TAF11: variants seen among roughly 807,000 people sequenced by gnomAD.
The protein encoded by TAF11 is TATA-box binding protein associated factor 11.
In TAF11, 10 loss-of-function variants were observed where a neutral mutation model predicts 23.0. The observed-to-expected ratio is 0.43, with a 90% CI of 0.27 to 0.74. The LOEUF (loss-of-function observed/expected upper bound fraction) is 0.74, where lower values mean the gene tolerates loss of function less well. TAF11 is among the 30% of genes least tolerant of loss of function. The pLI is 0.19. For missense variants in TAF11, 196 were observed against 261.7 expected (o/e 0.75, Z 1.73); for synonymous variants, 85 against 95.8 (o/e 0.89, Z 0.66).
In TAF11 at chr6:34,878,471, A is replaced by G; in HGVS notation, c.*119T>C. On this transcript the variant is annotated 3_prime_UTR_variant, in exon 5 of 5. Coordinates refer to ENST00000361288, the MANE Select transcript of TAF11 (RefSeq NM_005643.4). ...ATATCAGAGTTTTGAGAAAGACATT[A>G]AAATCATCATGGAATCCTTGGAGGC... 1 of 693,476 alleles carries G rather than the reference A, an allele frequency of 1.4e-6. No homozygotes were observed. Among genetic ancestry groups the G allele is most frequent in the Admixed American group, 2.2e-5 (1 of 45,690 alleles). 43.0% of individuals were successfully genotyped at this position (693,476 alleles called of 1,614,324 possible). A position where few individuals can be genotyped will look rare whatever the true frequency, so the allele number is the denominator to read the frequency against.
chr6:34,887,325 T>C (rs1258935550), intron 1 of TAF11, among the ~76,000 whole-genome samples: 1 of 152,148 alleles, frequency 6.6e-6, no homozygotes, highest in African/African-American at 2.4e-5. Flanking sequence ...TCTATATCGA[T>C]ATAGACTTTT....
chr6:34,887,305 G>A (rs1198819661), intron 1 of TAF11, among the ~76,000 whole-genome samples: 1 of 152,014 alleles, frequency 6.6e-6, no homozygotes, highest in Non-Finnish European at 1.5e-5. Context: ...AATCGTGTTC[G>A]ATATAAAAGT....
chr6:34,879,055 G>A (rs4646944), intron 4 of TAF11, among the ~76,000 whole-genome samples: 46,552 of 151,794 alleles, frequency 0.31, 9,921 homozygotes, highest in African/African-American at 0.58. Flanking sequence ...AAATTAAAAA[G>A]TTAGCCAGGG....
chr6:34,887,766 C>G (rs1250211447), intron 1 of TAF11, 21 bp downstream of exon 1: 1 of 1,613,874 alleles, frequency 6.2e-7, no homozygotes, highest in African/African-American at 1.3e-5. Flanking sequence ...CCTTCAGCCT[C>G]ATCAGTACAT....
chr6:34,886,271 A>ATC (rs1252092444), intron 1 of TAF11, among the ~76,000 whole-genome samples: 1 of 152,006 alleles, frequency 6.6e-6, no homozygotes, highest in African/African-American at 2.4e-5. Flanking sequence ...GCTGGGTGAC[A>ATC]GAGTGAGACC....
chr6:34,886,627 A>C (rs1333076822), intron 1 of TAF11, among the ~76,000 whole-genome samples: 1 of 151,694 alleles, frequency 6.6e-6, no homozygotes, highest in Non-Finnish European at 1.5e-5. Flanking sequence ...CACCATGCCC[A>C]GCTAATTTTT....
In TAF11 at chr6:34,880,894, G is replaced by A. The variant is rs542875682; in HGVS notation, c.321-518C>T. 6.6e-6 allele frequency among the ~76,000 whole-genome samples: 1 copy of A among 152,154 alleles called. No homozygotes were observed. Among genetic ancestry groups the A allele is most frequent in the East Asian group, 1.9e-4 (1 of 5,188 alleles). ...AAAATACCAATGGTCAATCAACATG[G>A]GGGAAACAACCTTCATTATTAACTA... On this transcript the variant is annotated intron_variant, in intron 2 of 4. Coordinates refer to ENST00000361288, the MANE Select transcript of TAF11 (RefSeq NM_005643.4). The surrounding 1 kb of genome is among the most constrained non-coding windows in gnomAD (Gnocchi z 4.8).
intron 1 of TAF11, among the ~76,000 whole-genome samples, chr6:34,885,193 A>G (rs1224801001): frequency 6.6e-6 from 1 of 151,954 alleles, no homozygotes; most frequent in Non-Finnish European, 1.5e-5. Flanking sequence ...TCAGCCTGCC[A>G]GGTAGCTAGA....
intron 2 of TAF11, among the ~76,000 whole-genome samples, chr6:34,881,446 T>G (rs1766422771): frequency 6.6e-6 from 1 of 152,242 alleles, no homozygotes; most frequent in Non-Finnish European, 1.5e-5. Flanking sequence ...CTCTGAATTA[T>G]TTGCAATGAG....
chr6:34,879,804 G>A (rs950988293), intron 4 of TAF11, 163 bp downstream of exon 4: 15 of 985,184 alleles, frequency 1.5e-5, no homozygotes, highest in Non-Finnish European at 1.8e-5. Flanking sequence ...AAACTTGCAA[G>A]GAATAACAGT....
rs564639980 is a variant in TAF11, at chr6:34,878,251, G to C, written c.*339C>G. ...AGCAAGACCCTATCTCAAACAAAAC[G>C]AAACCAAAACAAAACAAAACTCTCT... On this transcript the variant is annotated 3_prime_UTR_variant, in exon 5 of 5. Transcript: ENST00000361288. 4.4e-6 allele frequency: 1 copy of C among 227,048 alleles called. No homozygotes were observed. The highest frequency in any genetic ancestry group is 2.3e-5 in the African/African-American group (1 of 44,010). 14.1% of individuals were successfully genotyped at this position (227,048 alleles called of 1,614,324 possible).
At position 34,878,262 on chromosome 6, in the gene TAF11, A is replaced by G. The variant is rs1357807721; in HGVS notation, c.*328T>C. ...ATCTCAAACAAAACGAAACCAAAACAAAACAAAACTCTCTTGGAAAGGTTT... is the reference window on the plus strand; with the variant it reads ...ATCTCAAACAAAACGAAACCAAAACGAAACAAAACTCTCTTGGAAAGGTTT... On this transcript the variant is annotated 3_prime_UTR_variant, in exon 5 of 5. Transcript: ENST00000361288. The G allele has an allele frequency of 4.1e-6, 1 of 241,188 alleles. No homozygotes were observed. The highest frequency in any genetic ancestry group is 8.6e-5 in the East Asian group (1 of 11,668). The allele number at this position is 241,188 out of a possible 1,614,324, so 14.9% of individuals were successfully genotyped here.
intron 2 of TAF11, among the ~76,000 whole-genome samples, chr6:34,882,652 A>T (rs1283024823): frequency 1.3e-5 from 2 of 149,330 alleles, no homozygotes; most frequent in African/African-American, 5.0e-5. Flanking sequence ...TCAAAAAAAT[A>T]AAAAATAAAA....
rs1414287208 is a variant in TAF11 at position 34,877,942 on chromosome 6, A to T, written c.*648T>A. 6.6e-6 allele frequency: 1 copy of T among 152,240 alleles called. No individual in the cohort carries two copies. The highest frequency in any genetic ancestry group is 2.4e-5 in the African/African-American group (1 of 41,454). 9.4% of individuals were successfully genotyped at this position (152,240 alleles called of 1,614,324 possible). A position where few individuals can be genotyped will look rare whatever the true frequency, so the allele number is the denominator to read the frequency against. On this transcript the variant is annotated 3_prime_UTR_variant, in exon 5 of 5. Coordinates refer to ENST00000361288, the MANE Select transcript of TAF11 (RefSeq NM_005643.4). Reference sequence around the variant, plus strand: ...GTTTCATCTACTTAAAACCAGATATAAGAAACAACCTAAGTCTTAGCAACT... The same window carrying T: ...GTTTCATCTACTTAAAACCAGATATTAGAAACAACCTAAGTCTTAGCAACT...
At chr6:34,886,760 CCAGA>C (rs773956352) in intron 1 of TAF11, among the ~76,000 whole-genome samples, 62 of 152,194 alleles carry the variant, frequency 4.1e-4, no homozygotes, top group South Asian at 4.1e-4. Context: ...GCCACTACGC[CCAGA>C]CAAATTTTCT....
intron 1 of TAF11, 155 bp from the exon 2 acceptor site, chr6:34,883,235 G>A: frequency 1.5e-6 from 1 of 669,834 alleles, no homozygotes; most frequent in Non-Finnish European, 2.4e-6. Context: ...ATAAGATACA[G>A]TATCTCTCCT....
Position 34,888,040 on chromosome 6 carries a change from C to G in TAF11, c.-83G>C. 6.4e-7 allele frequency: 1 copy of G among 1,566,380 alleles called. No individual in the cohort carries two copies. On this transcript the variant is annotated 5_prime_UTR_variant, in exon 1 of 5. Coordinates refer to ENST00000361288, the MANE Select transcript of TAF11 (RefSeq NM_005643.4). ...AAACCCGAGCTGCACAGGCCAGGAT[C>G]TTACTTCCTGTCGTCGCGCAGCGAT...
chr6:34,884,863 CTATT>C (rs1442746767), intron 1 of TAF11, among the ~76,000 whole-genome samples: 1 of 152,134 alleles, frequency 6.6e-6, no homozygotes, highest in Non-Finnish European at 1.5e-5. Context: ...AAAAAATCAC[CTATT>C]TTTCTCAGAT....
intron 4 of TAF11, among the ~76,000 whole-genome samples, chr6:34,878,956 G>A (rs1267623467): frequency 6.6e-6 from 1 of 152,146 alleles, no homozygotes; most frequent in East Asian, 1.9e-4. Flanking sequence ...TATAATCCCA[G>A]CAGTTAGGGA....
Sources: allele counts gnomAD v4.1 joint callset (sites outside exome capture counted in the v4.1 genomes callset), GRCh38; gene constraint gnomAD v4.1.1; non-coding constraint Gnocchi (gnomAD v3.1); transcripts MANE v1.5; gene names NCBI Gene and HGNC (gene_info 2026-07-23, HGNC 2026-07-21).